The following ACACA variants were observed in gnomAD, a reference collection of about 807,000 sequenced individuals.
ACACA encodes acetyl-CoA carboxylase 1.
ACACA carries 103 observed loss-of-function variants against 296.1 expected under a neutral mutation model. The ratio of observed to expected loss-of-function variants is 0.35; its 90% CI spans 0.30 to 0.41. The LOEUF (loss-of-function observed/expected upper bound fraction) is 0.41. Ranked by LOEUF, ACACA falls within the 10% of genes least tolerant of loss-of-function variation. ACACA has a pLI of 1.00. For synonymous variants in ACACA, 953 were observed against 1,038.6 expected, an observed-to-expected ratio of 0.92 and a Z score of 1.58; for missense variants, 1,554 against 2,989.7, an observed-to-expected ratio of 0.52 and a Z score of 11.20.
chr17:37,359,478 C>T (rs1159213990), intron 1 of ACACA, among the ~76,000 whole-genome samples: 4 of 152,010 alleles, frequency 2.6e-5, no homozygotes, highest in African/African-American at 9.7e-5. Flanking sequence ...GCCTTCGCGG[C>T]CCCTTCTGCC....
At chr17:37,339,909 T>A (rs999197760) in intron 1 of ACACA, 59 bp from the exon 2 acceptor site, 1 of 887,258 alleles carries the variant, frequency 1.1e-6, no homozygotes, top group African/African-American at 1.6e-5. Flanking sequence ...CTTTTGTCAA[T>A]TCCTGTTTTG....
At chr17:37,172,012 C>G (rs769317817) in intron 41 of ACACA, among the ~76,000 whole-genome samples, 20 of 152,084 alleles carry the variant, frequency 1.3e-4, no homozygotes, top group Non-Finnish European at 2.8e-4. Flanking sequence ...TCTGGTGCCC[C>G]CCGCTACTCC....
At position 37,104,829 on chromosome 17, in the gene ACACA, C is replaced by T. The variant is rs562235001; in HGVS notation, c.6565+6702G>A. Reference sequence around the variant, plus strand: ...GGTGGCGCATGCCTTGTAGTCCTAGCTACTTGGGACTGAGGTGGGAGAATT... The same window carrying T: ...GGTGGCGCATGCCTTGTAGTCCTAGTTACTTGGGACTGAGGTGGGAGAATT... On this transcript the variant is annotated intron_variant, in intron 52 of 55. Transcript: ENST00000616317. Among the ~76,000 whole-genome samples, 20 of 150,182 alleles carry T rather than the reference C, an allele frequency of 1.3e-4. No homozygotes were observed. In the South Asian group the frequency reaches 4.0e-3, roughly 30 times the overall value.
At chr17:37,134,106 C>T (rs907277199) in intron 45 of ACACA, among the ~76,000 whole-genome samples, 6 of 152,188 alleles carry the variant, frequency 3.9e-5, no homozygotes, top group South Asian at 2.1e-4. Flanking sequence ...AAAGATGCTA[C>T]GTAGCCTTTA....
At chr17:37,129,855 A>G (rs2075005422) in intron 46 of ACACA, among the ~76,000 whole-genome samples, 1 of 152,210 alleles carries the variant, frequency 6.6e-6, no homozygotes, top group Non-Finnish European at 1.5e-5. Context: ...CGTGGCTGGA[A>G]GACATTAGAA....
At chr17:37,274,663 C>T (rs1384636540) in intron 8 of ACACA, 2 of 985,280 alleles carry the variant, frequency 2.0e-6, no homozygotes, top group Non-Finnish European at 2.4e-6. Context: ...GCCAAGAGGT[C>T]TGGGAAATAA....
rs1219982787 is a variant in ACACA, at chr17:37,268,741, C to CTATCTATCTATA, written c.1119+2009_1119+2010insTATAGATAGATA. Among the ~76,000 whole-genome samples the CTATCTATCTATA allele has an allele frequency of 2.1e-4, 20 of 94,506 alleles. 1 individual carries two copies. The highest frequency in any genetic ancestry group is 1.8e-3 in the East Asian group (6 of 3,246). The allele number at this position is 94,506 out of a possible 152,430, so 62.0% of individuals were successfully genotyped here. ...TCTATCTATCTATCTATCTATCTATCTATATATATATATATATATATATAT... is the reference window on the plus strand; with the variant it reads ...TCTATCTATCTATCTATCTATCTATCTATCTATCTATATATATATATATATATATATATATAT... On this transcript the variant is annotated intron_variant, in intron 10 of 55. Transcript: ENST00000616317.
chr17:37,281,949 A>G (rs2082557324), intron 5 of ACACA, among the ~76,000 whole-genome samples: 1 of 152,194 alleles, frequency 6.6e-6, no homozygotes, highest in Non-Finnish European at 1.5e-5. Context: ...TGAATTAGAC[A>G]TTAGGATCTT....
intron 1 of ACACA, among the ~76,000 whole-genome samples, chr17:37,395,822 C>T (rs888276345): frequency 2.6e-5 from 4 of 152,086 alleles, no homozygotes; most frequent in Non-Finnish European, 4.4e-5. Flanking sequence ...GGATTATAGG[C>T]GCGAGCCACC....
intron 3 of ACACA, among the ~76,000 whole-genome samples, chr17:37,316,095 T>C (rs746955421): frequency 6.6e-6 from 1 of 152,092 alleles, no homozygotes; most frequent in Non-Finnish European, 1.5e-5. Flanking sequence ...GAACCAAGGA[T>C]AGAGACCAAA....
At chr17:37,096,208 G>C (rs2072981031) in intron 54 of ACACA, among the ~76,000 whole-genome samples, 2 of 152,096 alleles carry the variant, frequency 1.3e-5, no homozygotes, top group African/African-American at 2.4e-5. Flanking sequence ...ATAGAAATCA[G>C]AGCATGTCAC....
At chr17:37,406,113 G>A (rs1010314022) in intron 1 of ACACA, 149 bp downstream of exon 1, 5 of 834,394 alleles carry the variant, frequency 6.0e-6, no homozygotes, top group South Asian at 5.8e-5. Flanking sequence ...TGGAAAATAG[G>A]GATAACAACA....
intron 10 of ACACA, among the ~76,000 whole-genome samples, chr17:37,269,492 T>C (rs2081971114): frequency 6.6e-6 from 1 of 152,206 alleles, no homozygotes; most frequent in Non-Finnish European, 1.5e-5. Context: ...ACACAAAGCC[T>C]ATATTATAAT....
At chr17:37,190,999 G>C (rs1225416377) in intron 38 of ACACA, 121 bp downstream of exon 38, 28 of 1,221,874 alleles carry the variant, frequency 2.3e-5, no homozygotes, top group Non-Finnish European at 3.0e-5. Context: ...AAACTTTACA[G>C]ATTAAGGGCT....
Position 37,105,639 on chromosome 17 carries a change from C to T in ACACA, c.6565+5892G>A, listed in dbSNP as rs571478382. Among the ~76,000 whole-genome samples, 16 of 151,988 alleles carry T rather than the reference C, an allele frequency of 1.1e-4. No individual in the cohort carries two copies. In the South Asian group the frequency reaches 1.7e-3, roughly 16 times the overall value. ...CAACACTTTAGGAGGCCGAGGCGGG[C>T]GGATCACCTGAGGTCGGGAGTTCAA... On this transcript the variant is annotated intron_variant, in intron 52 of 55. Coordinates refer to ENST00000616317, the MANE Select transcript of ACACA (RefSeq NM_198834.3).
In ACACA at chr17:37,316,333, A is replaced by ACACACACACACC. The variant is rs987022083; in HGVS notation, c.338+13839_338+13840insGGTGTGTGTGTG. Among the ~76,000 whole-genome samples the ACACACACACACC allele has an allele frequency of 2.2e-4, 33 of 149,672 alleles. 1 individual carries two copies. Among genetic ancestry groups the ACACACACACACC allele is most frequent in the South Asian group, 2.1e-3 (10 of 4,708 alleles). On this transcript the variant is annotated intron_variant, in intron 3 of 55. Transcript: ENST00000616317. ...CACACACACACACACACACACACAC[A>ACACACACACACC]CCCCTAACTTTGCTAGCCTTTTTTC...
intron 33 of ACACA, among the ~76,000 whole-genome samples, chr17:37,205,110 C>T (rs943560859): frequency 5.9e-5 from 9 of 152,036 alleles, no homozygotes; most frequent in Non-Finnish European, 8.8e-5. Context: ...ACTAACAGAC[C>T]TTGGTGACTG....
At chr17:37,376,445 G>A (rs2050005859) in intron 1 of ACACA, among the ~76,000 whole-genome samples, 1 of 152,092 alleles carries the variant, frequency 6.6e-6, no homozygotes, top group African/African-American at 2.4e-5. Flanking sequence ...TAGAGTTTCA[G>A]TATTGTCATC....
chr17:37,330,412 A>G lies in ACACA; in HGVS notation c.99T>C (p.His33=), dbSNP rs988753749. The part of the protein sequence containing the change: ...TVRIIRAVRA[H]FGGIMDEPSP... Reference sequence around the variant, plus strand: ...ATGGTTCATCCATTATTCCTCCAAAATGAGCTCTTACAGCTATGGAGAAAA... The same window carrying G: ...ATGGTTCATCCATTATTCCTCCAAAGTGAGCTCTTACAGCTATGGAGAAAA... The change falls in exon 3 of 56, where the codon CAT becomes CAC. Residue 33 remains histidine, a synonymous_variant. Transcript: ENST00000616317. The G allele has an allele frequency of 1.2e-6, 2 of 1,614,100 alleles. No homozygotes were observed. Among genetic ancestry groups the G allele is most frequent in the Admixed American group, 3.3e-5 (2 of 59,998 alleles).
Sources: gnomAD v4.1 joint callset for allele counts (sites outside exome capture counted in the v4.1 genomes callset) on GRCh38, gnomAD v4.1.1 for gene constraint, MANE v1.5 for transcripts, NCBI Gene and HGNC (gene_info 2026-07-23, HGNC 2026-07-21) for gene names.